The following PEBP4 variants were observed in gnomAD, a reference collection of about 807,000 sequenced individuals.
The protein encoded by PEBP4 is phosphatidylethanolamine binding protein 4.
Under a neutral mutation model 23.9 loss-of-function variants are expected in PEBP4, and 22 were observed. The observed-to-expected ratio is 0.92, with a 90% CI of 0.66 to 1.31. The LOEUF (loss-of-function observed/expected upper bound fraction) is 1.31. Among genes scored for constraint, PEBP4 ranks in the 40% most tolerant of loss-of-function variants. The pLI is 0.00. For missense variants in PEBP4, 324 were observed against 281.7 expected (o/e 1.15, Z -1.07); for synonymous variants, 112 against 99.3 (o/e 1.13, Z -0.76).
At chr8:22,747,085 TC>T (rs1236011118) in intron 4 of PEBP4, among the ~76,000 whole-genome samples, 4 of 152,232 alleles carry the variant, frequency 2.6e-5, no homozygotes, top group Non-Finnish European at 5.9e-5. Context: ...TGCCCTGGCC[TC>T]CCAAAGTGCT....
intron 4 of PEBP4, among the ~76,000 whole-genome samples, chr8:22,729,912 A>G (rs748387696): frequency 6.6e-6 from 1 of 152,206 alleles, no homozygotes; most frequent in Non-Finnish European, 1.5e-5. Flanking sequence ...AGGGGCTACA[A>G]TTTCTACCAT....
chr8:22,914,681 G>C (rs1430184789), intron 3 of PEBP4, among the ~76,000 whole-genome samples: 1 of 152,014 alleles, frequency 6.6e-6, no homozygotes, highest in Non-Finnish European at 1.5e-5. Context: ...GGAACACTGA[G>C]GATGCAGACC....
rs1186842112 is a variant in PEBP4 at position 22,803,678 on chromosome 8, A to T, written c.357+13959T>A. 5.3e-5 allele frequency among the ~76,000 whole-genome samples: 8 copies of T among 152,106 alleles called. No homozygotes were observed. The South Asian group carries it at 6.2e-4, about 12-fold the overall frequency. ...GACTCCAACTAAAAAATAATAATAA[A>T]AAAATAAAATAAAATAAAAGGCATC... On this transcript the variant is annotated intron_variant, in intron 4 of 6. Coordinates refer to ENST00000256404, the MANE Select transcript of PEBP4 (RefSeq NM_144962.3).
intron 3 of PEBP4, among the ~76,000 whole-genome samples, chr8:22,907,645 G>A (rs754467335): frequency 1.4e-3 from 209 of 152,322 alleles, no homozygotes; most frequent in Non-Finnish European, 2.2e-3. Flanking sequence ...ACCAGGTCTG[G>A]GAAGCCACTG....
At chr8:22,773,433 G>T (rs1805754929) in intron 4 of PEBP4, among the ~76,000 whole-genome samples, 1 of 152,194 alleles carries the variant, frequency 6.6e-6, no homozygotes, top group Non-Finnish European at 1.5e-5. Context: ...GAAAGGCGGG[G>T]AGGGAGGCAG....
intron 4 of PEBP4, among the ~76,000 whole-genome samples, chr8:22,814,046 G>A (rs1806689745): frequency 6.6e-6 from 1 of 152,214 alleles, no homozygotes; most frequent in Admixed American, 6.5e-5. Context: ...AATAATATAA[G>A]AGCAAGTAAT....
intron 3 of PEBP4, among the ~76,000 whole-genome samples, chr8:22,823,920 A>G (rs1806912903): frequency 6.6e-6 from 1 of 152,220 alleles, no homozygotes; most frequent in African/African-American, 2.4e-5. Flanking sequence ...TATGCAAAAA[A>G]TAAAATAAGA....
chr8:22,791,039 T>G (rs1806126393), intron 4 of PEBP4, among the ~76,000 whole-genome samples: 1 of 152,154 alleles, frequency 6.6e-6, no homozygotes, highest in South Asian at 2.1e-4. Flanking sequence ...TACCCTTTGA[T>G]AGGCCAGAAG....
At chr8:22,921,883 A>G (rs975271615) in intron 2 of PEBP4, among the ~76,000 whole-genome samples, 2 of 152,150 alleles carry the variant, frequency 1.3e-5, no homozygotes, top group Non-Finnish European at 2.9e-5. Context: ...CAGAGAGGGG[A>G]CCCACCAAGG....
intron 3 of PEBP4, among the ~76,000 whole-genome samples, chr8:22,904,374 C>T (rs1417935592): frequency 6.6e-6 from 1 of 152,206 alleles, no homozygotes; most frequent in Non-Finnish European, 1.5e-5. Context: ...ATGCTGAATC[C>T]AGCACCAGCA....
chr8:22,820,329 T>G (rs1170781972), intron 3 of PEBP4, among the ~76,000 whole-genome samples: 1 of 152,216 alleles, frequency 6.6e-6, no homozygotes, highest in African/African-American at 2.4e-5. Flanking sequence ...CCTTTTTAAC[T>G]GTTCAAGTAC....
chr8:22,925,878 G>A (rs1809316532), intron 2 of PEBP4, among the ~76,000 whole-genome samples: 1 of 152,202 alleles, frequency 6.6e-6, no homozygotes, highest in African/African-American at 2.4e-5. Flanking sequence ...ACTCAGCAGA[G>A]CACCTAGAAA....
chr8:22,887,583 G>C (rs982874058), intron 3 of PEBP4: 9 of 151,736 alleles, frequency 5.9e-5, no homozygotes, highest in African/African-American at 9.7e-5. Flanking sequence ...TGGGCAACAT[G>C]GAAAAACTCC....
intron 3 of PEBP4, among the ~76,000 whole-genome samples, chr8:22,906,165 G>A (rs1267559082): frequency 3.3e-5 from 5 of 152,110 alleles, no homozygotes; most frequent in African/African-American, 4.8e-5. Flanking sequence ...AGGGACCCTA[G>A]ACACAGAAGT....
intron 4 of PEBP4, among the ~76,000 whole-genome samples, chr8:22,729,109 A>G (rs1290963810): frequency 6.6e-6 from 1 of 151,942 alleles, no homozygotes; most frequent in Non-Finnish European, 1.5e-5. Flanking sequence ...AGGTGTGGCC[A>G]AAGGGCTGTG....
rs956248536 is a variant in PEBP4 at position 22,775,659 on chromosome 8, G to C, written c.357+41978C>G. Among the ~76,000 whole-genome samples, 1 of 152,138 alleles carries C rather than the reference G, an allele frequency of 6.6e-6. No individual in the cohort carries two copies. Among genetic ancestry groups the C allele is most frequent in the Admixed American group, 6.5e-5 (1 of 15,288 alleles). ...TGGGAAGGAGGGGGACGGAGGCAGC[G>C]TCTCTGCGGCATACCAGCAAACCAG... On this transcript the variant is annotated intron_variant, in intron 4 of 6. Transcript: ENST00000256404. This position sits in a 1 kb window ranked among gnomAD's most constrained non-coding sequence, Gnocchi z 4.8.
intron 4 of PEBP4, among the ~76,000 whole-genome samples, chr8:22,751,610 CTGTGTGTGTGTGTGTGTCTCTGTG>C (rs1165956488): frequency 3.3e-4 from 26 of 78,930 alleles, no homozygotes; most frequent in African/African-American, 6.3e-4. Context: ...GTGTGTGTGT[CTGTGTGTGTGTGTGTGTCTCTGTG>C]TGTGTGTGTG....
chr8:22,831,777 G>A (rs1807087674), intron 3 of PEBP4, among the ~76,000 whole-genome samples: 1 of 152,184 alleles, frequency 6.6e-6, no homozygotes. Context: ...GCTCAGGAGG[G>A]AAGGCCATGC....
rs375408766 is a variant in PEBP4, at chr8:22,724,812, G to T, written c.517+31C>A. ...TTTGTTCCACCCCAGAATTCACCCC[G>T]GTGGTGGCTGGAAGGATGGGGAGGT... is the stretch of plus-strand genomic sequence containing the variant. On this transcript the variant is annotated intron_variant, in intron 6 of 6. Coordinates refer to ENST00000256404, the MANE Select transcript of PEBP4 (RefSeq NM_144962.3). The T allele has an allele frequency of 1.6e-5, 25 of 1,536,464 alleles. 1 individual carries two copies. The South Asian group carries it at 2.0e-4, about 12-fold the overall frequency.
Sources: gnomAD v4.1 joint callset for allele counts (sites outside exome capture counted in the v4.1 genomes callset) on GRCh38, gnomAD v4.1.1 for gene constraint, Gnocchi (gnomAD v3.1) non-coding constraint, MANE v1.5 for transcripts, NCBI Gene and HGNC (gene_info 2026-07-23, HGNC 2026-07-21) for gene names.